MEGF11: variants seen among roughly 807,000 people sequenced by gnomAD.
MEGF11 encodes the protein multiple EGF like domains 11.
In MEGF11, 126 loss-of-function variants were observed where a neutral mutation model predicts 146.6. That is an observed-to-expected ratio of 0.86 (90% CI 0.74 to 1.00). The LOEUF is 1.00. Among genes scored for constraint, MEGF11 ranks in the 50% least tolerant of loss-of-function variants. The pLI is 0.00. For synonymous variants in MEGF11, 532 were observed against 583.4 expected (o/e 0.91, Z 1.27); for missense variants, 1,509 against 1,521.2 (o/e 0.99, Z 0.13).
chr15:66,109,870 T>C (rs2087298975), intron 4 of MEGF11, among the ~76,000 whole-genome samples: 2 of 152,154 alleles, frequency 1.3e-5, no homozygotes, highest in Admixed American at 1.3e-4. Flanking sequence ...AATTCAGTGG[T>C]TTATCAGTAC....
chr15:65,900,890 G>A (rs772642816), intron 24 of MEGF11, among the ~76,000 whole-genome samples: 2 of 152,210 alleles, frequency 1.3e-5, no homozygotes, highest in Admixed American at 6.5e-5. Flanking sequence ...CACCAGCAAG[G>A]CCTAAAGGGA....
At chr15:65,907,591 A>G (rs77253983) in intron 23 of MEGF11, among the ~76,000 whole-genome samples, 20,253 of 152,192 alleles carry the variant, frequency 0.13, 1,616 homozygotes, top group Non-Finnish European at 0.18. Context: ...CACCGTACCC[A>G]GCCTCAAATT....
chr15:65,926,939 A>C (rs2079391552), intron 13 of MEGF11, among the ~76,000 whole-genome samples: 1 of 152,198 alleles, frequency 6.6e-6, no homozygotes, highest in Non-Finnish European at 1.5e-5. Flanking sequence ...AGGGGAAGCC[A>C]GGCTGGAGAT....
intron 5 of MEGF11, among the ~76,000 whole-genome samples, chr15:66,059,742 C>T (rs2084826777): frequency 1.3e-5 from 2 of 152,186 alleles, no homozygotes. Flanking sequence ...CAGAACGTCC[C>T]AGAACCCCAG....
Position 65,957,545 on chromosome 15 carries a change from A to T in MEGF11, c.1287+2T>A. 2 of 1,612,600 alleles carry T rather than the reference A, an allele frequency of 1.2e-6. No homozygotes were observed. The highest frequency in any genetic ancestry group is 1.7e-6 in the Non-Finnish European group (2 of 1,179,422). ...GGCCACGGGAGGCCCCTCCCATCTTACCATGAAGCCCGGAGCACAAGTGCA... is the reference window on the plus strand; with the variant it reads ...GGCCACGGGAGGCCCCTCCCATCTTTCCATGAAGCCCGGAGCACAAGTGCA... On this transcript the variant is annotated splice_donor_variant, in intron 10 of 25. Coordinates refer to ENST00000395614, the MANE Select transcript of MEGF11 (RefSeq NM_001385028.1). LOFTEE classifies it high-confidence loss of function.
intron 1 of MEGF11, among the ~76,000 whole-genome samples, chr15:66,138,900 A>T (rs2089016563): frequency 6.6e-6 from 1 of 152,160 alleles, no homozygotes; most frequent in South Asian, 2.1e-4. Context: ...CAGTACAGAT[A>T]CTACTGGGGG....
intron 1 of MEGF11, among the ~76,000 whole-genome samples, chr15:66,220,072 C>T (rs2091693996): frequency 1.3e-5 from 2 of 152,024 alleles, no homozygotes; most frequent in African/African-American, 4.8e-5. Flanking sequence ...GAGAAGGCCA[C>T]GTGAAGACCA....
At chr15:66,145,038 C>T (rs954424448) in intron 1 of MEGF11, among the ~76,000 whole-genome samples, 1 of 152,180 alleles carries the variant, frequency 6.6e-6, no homozygotes, top group Non-Finnish European at 1.5e-5. Flanking sequence ...TCCCGGACAG[C>T]CCTGCTGTAG....
At chr15:66,224,220 G>A (rs1315288919) in intron 1 of MEGF11, among the ~76,000 whole-genome samples, 2 of 152,148 alleles carry the variant, frequency 1.3e-5, no homozygotes, top group Non-Finnish European at 2.9e-5. Context: ...TAAACTGAGA[G>A]GATAATAACA....
intron 13 of MEGF11, among the ~76,000 whole-genome samples, chr15:65,924,595 C>G (rs892830796): frequency 3.4e-5 from 5 of 148,374 alleles, no homozygotes; most frequent in African/African-American, 1.2e-4. Context: ...TTTTCCTGGG[C>G]ATAACAAAAG....
intron 1 of MEGF11, among the ~76,000 whole-genome samples, chr15:66,194,724 G>T (rs2090967450): frequency 6.6e-6 from 1 of 152,156 alleles, no homozygotes; most frequent in Admixed American, 6.5e-5. Context: ...AGTGTACACT[G>T]CTTGGGTGAC....
intron 5 of MEGF11, among the ~76,000 whole-genome samples, chr15:66,088,780 A>T (rs2086211892): frequency 6.6e-6 from 1 of 152,242 alleles, no homozygotes; most frequent in South Asian, 2.1e-4. Context: ...TATGAAGCAC[A>T]GAGTAGTCAA....
chr15:66,105,697 C>T (rs908706551), intron 4 of MEGF11, among the ~76,000 whole-genome samples: 6 of 152,334 alleles, frequency 3.9e-5, no homozygotes, highest in Middle Eastern at 3.4e-3. Context: ...TTGAGCCCTG[C>T]GGCTGTTTCA....
At chr15:66,159,461 G>A (rs4776752) in intron 1 of MEGF11, among the ~76,000 whole-genome samples, 23,264 of 152,170 alleles carry the variant, frequency 0.15, 2,035 homozygotes, top group East Asian at 0.39. Flanking sequence ...GGAATCCAAC[G>A]TTTTATACAT....
chr15:66,079,537 A>ACCC (rs56067269), intron 5 of MEGF11, among the ~76,000 whole-genome samples: 175 of 121,890 alleles, frequency 1.4e-3, no homozygotes, highest in Middle Eastern at 0.01. Flanking sequence ...CTTCATTCAC[A>ACCC]CCCCCCCCCC....
intron 1 of MEGF11, among the ~76,000 whole-genome samples, chr15:66,180,055 C>CA (rs2090505682): frequency 6.6e-6 from 1 of 151,812 alleles, no homozygotes; most frequent in Admixed American, 6.6e-5. Flanking sequence ...CCCAAAGGAA[C>CA]AAAAAAGGAG....
intron 15 of MEGF11, 134 bp from the exon 16 acceptor site, chr15:65,918,228 G>A (rs1242960080): frequency 4.8e-6 from 6 of 1,259,828 alleles, no homozygotes; most frequent in Admixed American, 2.1e-5. Flanking sequence ...TGGAGACCAC[G>A]CCCGCCTTGG....
intron 1 of MEGF11, among the ~76,000 whole-genome samples, chr15:66,147,282 G>T (rs1014768767): frequency 6.6e-6 from 1 of 152,120 alleles, no homozygotes; most frequent in African/African-American, 2.4e-5. Flanking sequence ...ACATGGTTGC[G>T]CAGCCCAGGG....
chr15:65,917,220 C>T (rs528073132), intron 16 of MEGF11, among the ~76,000 whole-genome samples: 3 of 152,290 alleles, frequency 2.0e-5, no homozygotes, highest in East Asian at 1.9e-4. Context: ...TGAGGGCCCC[C>T]GAGCCTCCCC....
Sources: allele counts gnomAD v4.1 joint callset (sites outside exome capture counted in the v4.1 genomes callset), GRCh38; gene constraint gnomAD v4.1.1; transcripts MANE v1.5; gene names NCBI Gene and HGNC (gene_info 2026-07-23, HGNC 2026-07-21).